ARID4B: variants seen among roughly 807,000 people sequenced by gnomAD.
The protein encoded by ARID4B is AT-rich interaction domain 4B.
Under a neutral mutation model 147.5 loss-of-function variants are expected in ARID4B, and 26 were observed. The observed-to-expected ratio is 0.18, with a 90% CI of 0.13 to 0.24. The LOEUF (loss-of-function observed/expected upper bound fraction) is 0.24. Ranked by LOEUF, ARID4B falls within the 10% of genes least tolerant of loss-of-function variation. The probability of loss-of-function intolerance (pLI) is 1.00; values close to 1 mark genes in which losing one functional copy is unlikely to be tolerated. For synonymous variants in ARID4B, 512 were observed against 507.9 expected, an observed-to-expected ratio of 1.01 and a Z score of -0.11; for missense variants, 1,179 against 1,511.5, an observed-to-expected ratio of 0.78 and a Z score of 3.65.
At chr1:235,287,862 A>G (rs950521343) in intron 2 of ARID4B, among the ~76,000 whole-genome samples, 5 of 152,264 alleles carry the variant, frequency 3.3e-5, no homozygotes, top group Admixed American at 2.0e-4. Flanking sequence ...CCTCGGGGAC[A>G]TAACTACTGT....
chr1:235,233,863 G>T (rs186978098), intron 9 of ARID4B, among the ~76,000 whole-genome samples: 213 of 152,304 alleles, frequency 1.4e-3, no homozygotes, highest in Non-Finnish European at 2.3e-3. Flanking sequence ...GGCAGATCAC[G>T]AGATCAGGAG....
At chr1:235,313,307 G>T (rs1185554851) in intron 2 of ARID4B, among the ~76,000 whole-genome samples, 1 of 151,952 alleles carries the variant, frequency 6.6e-6, no homozygotes, top group Non-Finnish European at 1.5e-5. Flanking sequence ...TAGGATTACG[G>T]GCATGACCCA....
At chr1:235,310,987 C>T (rs1674007899) in intron 2 of ARID4B, among the ~76,000 whole-genome samples, 1 of 152,092 alleles carries the variant, frequency 6.6e-6, no homozygotes, top group Non-Finnish European at 1.5e-5. Flanking sequence ...ATTAACCTGT[C>T]TAATCAATGC....
chr1:235,304,655 T>C (rs1221146273), intron 2 of ARID4B, among the ~76,000 whole-genome samples: 2 of 152,212 alleles, frequency 1.3e-5, no homozygotes, highest in Non-Finnish European at 2.9e-5. Flanking sequence ...CTGGAAAGGC[T>C]GAATTCTAAA....
chr1:235,255,631 C>A, intron 5 of ARID4B, 29 bp downstream of exon 5: 1 of 1,457,694 alleles, frequency 6.9e-7, no homozygotes, highest in Non-Finnish European at 9.3e-7. Context: ...ACTAAAAACA[C>A]ATTTTTAAAA....
chr1:235,223,684 C>T (rs372582585), intron 12 of ARID4B, among the ~76,000 whole-genome samples: 1 of 117,144 alleles, frequency 8.5e-6, no homozygotes, highest in Admixed American at 8.9e-5. Flanking sequence ...AGTAAAGCTA[C>T]ATTTTTTTTT....
At chr1:235,170,973 C>CT (rs909708843) in intron 23 of ARID4B, among the ~76,000 whole-genome samples, 5 of 148,516 alleles carry the variant, frequency 3.4e-5, no homozygotes, top group Admixed American at 6.7e-5. Flanking sequence ...CAGTGTCTGA[C>CT]TTTTTTTTAA....
At chr1:235,257,290 C>T in intron 3 of ARID4B, 65 bp from the exon 4 acceptor site, 1 of 1,028,104 alleles carries the variant, frequency 9.7e-7, no homozygotes, top group East Asian at 2.4e-5. Context: ...ATCAATGCAC[C>T]AATTATTCAT....
At chr1:235,195,172 T>C (rs928997813) in intron 18 of ARID4B, among the ~76,000 whole-genome samples, 6 of 152,270 alleles carry the variant, frequency 3.9e-5, no homozygotes, top group South Asian at 2.1e-4. Context: ...TCCAGATGCA[T>C]AGAAGATGCT....
At chr1:235,252,416 A>C (rs1251926027) in intron 6 of ARID4B, among the ~76,000 whole-genome samples, 1 of 152,228 alleles carries the variant, frequency 6.6e-6, no homozygotes, top group Non-Finnish European at 1.5e-5. Flanking sequence ...CAAGTAGATT[A>C]CAAATCAGAA....
intron 2 of ARID4B, among the ~76,000 whole-genome samples, chr1:235,312,704 T>C (rs1001019003): frequency 1.3e-5 from 2 of 152,074 alleles, no homozygotes; most frequent in Non-Finnish European, 2.9e-5. Flanking sequence ...CTGGGCGTGG[T>C]GGCTCCCACC....
intron 17 of ARID4B, among the ~76,000 whole-genome samples, chr1:235,201,729 C>T (rs1174520294): frequency 6.6e-6 from 1 of 151,828 alleles, no homozygotes; most frequent in African/African-American, 2.4e-5. Flanking sequence ...ACTAAAAATA[C>T]AAAAATCAGC....
chr1:235,182,471 T>C lies in ARID4B; in HGVS notation c.2448A>G (p.Ser816=), dbSNP rs1203937648. Residue 816 remains serine (S), a synonymous_variant, in exon 20 of 24, where the codon TCA becomes TCG. Transcript: ENST00000264183. ...DVKKDTTDKS[S]KPQIKRGKRR... is the part of the protein sequence containing the mutation. Reference sequence around the variant, plus strand: ...TTTTACCACGTTTTATTTGTGGTTTTGAAGATTTATCTGTTGTGTCCTTCT... The same window carrying C: ...TTTTACCACGTTTTATTTGTGGTTTCGAAGATTTATCTGTTGTGTCCTTCT... The C allele has an allele frequency of 6.2e-7, 1 of 1,613,138 alleles. No homozygotes were observed. The highest frequency in any genetic ancestry group is 1.7e-5 in the Admixed American group (1 of 59,814).
chr1:235,223,192 C>G lies in ARID4B; in HGVS notation c.1039G>C (p.Val347Leu). 1 of 1,586,020 alleles carries G rather than the reference C, an allele frequency of 6.3e-7. No individual in the cohort carries two copies. The highest frequency in any genetic ancestry group is 8.6e-7 in the Non-Finnish European group (1 of 1,164,642). Residue 347 changes from valine to leucine, a missense_variant, in exon 13 of 24, where the codon GTA becomes CTA. Val to Leu is a conservative substitution (Grantham distance 32). Transcript: ENST00000264183. The part of the protein sequence containing the change: ...NLNLFKLFRL[V>L]HKLGGFDNIE... ...TTATCAAATCCTCCAAGTTTGTGTA[C>G]AAGTCTGAATAACTTAAAGAGATTC... is the stretch of plus-strand genomic sequence containing the variant.
At chr1:235,291,001 A>C (rs1479981042) in intron 2 of ARID4B, among the ~76,000 whole-genome samples, 1 of 152,116 alleles carries the variant, frequency 6.6e-6, no homozygotes, top group Admixed American at 6.5e-5. Flanking sequence ...CAGGAGGCTG[A>C]GGTTGGAAGA....
At chr1:235,241,427 G>GA (rs763318140) in intron 7 of ARID4B, among the ~76,000 whole-genome samples, 9 of 152,154 alleles carry the variant, frequency 5.9e-5, no homozygotes, top group Non-Finnish European at 1.3e-4. Flanking sequence ...AGTATACTCT[G>GA]AAGTTGTCTT....
intron 18 of ARID4B, 127 bp from the exon 19 acceptor site, chr1:235,194,338 T>C (rs1571942892): frequency 1.3e-6 from 1 of 780,798 alleles, no homozygotes; most frequent in Admixed American, 2.9e-5. Context: ...AGAAAGAACA[T>C]AAGAAGCCCC....
intron 2 of ARID4B, among the ~76,000 whole-genome samples, chr1:235,324,583 A>G (rs1675089949): frequency 6.6e-6 from 1 of 152,226 alleles, no homozygotes; most frequent in Admixed American, 6.5e-5. Context: ...CCAAGTACAA[A>G]TATGTTTGGT....
intron 2 of ARID4B, among the ~76,000 whole-genome samples, chr1:235,300,609 C>G (rs951510412): frequency 6.6e-6 from 1 of 152,028 alleles, no homozygotes; most frequent in South Asian, 2.1e-4. Context: ...AAGCAGTACT[C>G]AATAAACTTC....
Sources: allele counts gnomAD v4.1 joint callset (sites outside exome capture counted in the v4.1 genomes callset), GRCh38; gene constraint gnomAD v4.1.1; transcripts MANE v1.5; gene names NCBI Gene and HGNC (gene_info 2026-07-23, HGNC 2026-07-21).